NOCT: variants seen among roughly 807,000 people sequenced by gnomAD.
NOCT encodes nocturnin.
In NOCT, 18 loss-of-function variants were observed where a neutral mutation model predicts 35.0. That is an observed-to-expected ratio of 0.51 (90% CI 0.36 to 0.76). The LOEUF (loss-of-function observed/expected upper bound fraction) is 0.76. NOCT is among the 30% of genes least tolerant of loss of function. The probability of loss-of-function intolerance (pLI) is 0.01; values close to 1 mark genes in which losing one functional copy is unlikely to be tolerated. For synonymous variants in NOCT, 235 were observed against 226.3 expected (o/e 1.04, Z -0.34); for missense variants, 479 against 541.0 (o/e 0.89, Z 1.14).
At chr4:139,032,497 T>TA (rs1367370947) in intron 1 of NOCT, among the ~76,000 whole-genome samples, 14 of 151,698 alleles carry the variant, frequency 9.2e-5, no homozygotes, top group African/African-American at 1.9e-4. Flanking sequence ...TCTACTTTTT[T>TA]AAAAAAAAAT....
At chr4:139,039,185 A>AAAAAAAAAAAAAAAAAAAAC in intron 1 of NOCT, among the ~76,000 whole-genome samples, 1 of 150,960 alleles carries the variant, frequency 6.6e-6, no homozygotes, top group African/African-American at 2.4e-5. Context: ...AAAAAAAAAA[A>AAAAAAAAAAAAAAAAAAAAC]AAGCCATTCT....
At chr4:139,036,102 T>C (rs980133554) in intron 1 of NOCT, among the ~76,000 whole-genome samples, 1 of 152,036 alleles carries the variant, frequency 6.6e-6, no homozygotes, top group African/African-American at 2.4e-5. Flanking sequence ...CACACACACA[T>C]ATATATGTTT....
chr4:139,042,965 C>A, intron 1 of NOCT, 109 bp from the exon 2 acceptor site: 1 of 964,420 alleles, frequency 1.0e-6, no homozygotes, highest in Non-Finnish European at 1.5e-6. Context: ...ATTATGGCAA[C>A]AATTGAGCTC....
intron 1 of NOCT, among the ~76,000 whole-genome samples, chr4:139,031,576 C>T (rs1469556128): frequency 1.3e-5 from 2 of 152,058 alleles, no homozygotes; most frequent in African/African-American, 2.4e-5. Flanking sequence ...CATTGCAGCC[C>T]GACCATTTTC....
intron 1 of NOCT, among the ~76,000 whole-genome samples, 157 bp from the exon 2 acceptor site, chr4:139,042,914 CAAA>C (rs375909985): frequency 8.6e-5 from 7 of 81,768 alleles, no homozygotes; most frequent in African/African-American, 1.4e-4. Flanking sequence ...AACTCCATCT[CAAA>C]AAAAAAAAAA....
chr4:139,028,062 T>G (rs898423698), intron 1 of NOCT: 2 of 152,210 alleles, frequency 1.3e-5, no homozygotes, highest in African/African-American at 4.8e-5. Flanking sequence ...ACGTCATTTT[T>G]CCAAGTGTCC....
At chr4:139,036,090 T>C (rs185275187) in intron 1 of NOCT, among the ~76,000 whole-genome samples, 2 of 152,174 alleles carry the variant, frequency 1.3e-5, no homozygotes, top group East Asian at 1.9e-4. Context: ...TATGACAGAC[T>C]ACACACACAC....
chr4:139,017,451 C>T (rs1473327482), intron 1 of NOCT, among the ~76,000 whole-genome samples: 1 of 151,348 alleles, frequency 6.6e-6, no homozygotes, highest in Non-Finnish European at 1.5e-5. Flanking sequence ...TGGCCTCGAA[C>T]TCCCTAGCTC....
chr4:139,016,098 C>A lies in NOCT; in HGVS notation c.117C>A (p.Pro39=). Residue 39 remains proline (P), a synonymous_variant, in exon 1 of 3, where the codon CCC becomes CCA. Coordinates refer to ENST00000280614, the MANE Select transcript of NOCT (RefSeq NM_012118.4). ...RRPLSPPAAV[P]RPASPRLLAA... ...CGTTGTCCCCGCCGGCTGCTGTTCC[C>A]AGGCCCGCATCCCCCCGGCTGCTGG... The A allele has an allele frequency of 7.4e-7, 1 of 1,346,164 alleles. No homozygotes were observed. Among genetic ancestry groups the A allele is most frequent in the South Asian group, 2.0e-5 (1 of 50,970 alleles). The allele number at this position is 1,346,164 out of a possible 1,614,324, so 83.4% of individuals were successfully genotyped here. A position where few individuals can be genotyped will look rare whatever the true frequency, so the allele number is the denominator to read the frequency against.
At chr4:139,035,547 C>T (rs896414305) in intron 1 of NOCT, among the ~76,000 whole-genome samples, 18 of 152,206 alleles carry the variant, frequency 1.2e-4, no homozygotes, top group Admixed American at 5.2e-4. Context: ...TGCTGCCCCC[C>T]AGTTCACCCC....
chr4:139,019,061 T>A (rs149926322), intron 1 of NOCT, among the ~76,000 whole-genome samples: 15 of 152,318 alleles, frequency 9.8e-5, no homozygotes, highest in Middle Eastern at 3.4e-3. Flanking sequence ...TTTTTATTTT[T>A]ATTTTTTTTG....
chr4:139,036,210 A>G (rs1726735887), intron 1 of NOCT, among the ~76,000 whole-genome samples: 1 of 152,156 alleles, frequency 6.6e-6, no homozygotes, highest in Non-Finnish European at 1.5e-5. Flanking sequence ...TCTCCAGGGT[A>G]GTGTCTGGTA....
intron 1 of NOCT, among the ~76,000 whole-genome samples, chr4:139,040,614 ACT>A (rs1405218156): frequency 1.3e-5 from 2 of 152,010 alleles, no homozygotes; most frequent in African/African-American, 2.4e-5. Context: ...CCACCCTAAA[ACT>A]CAGCTTGGCA....
intron 1 of NOCT, among the ~76,000 whole-genome samples, chr4:139,038,973 C>T (rs922567554): frequency 6.6e-6 from 1 of 151,846 alleles, no homozygotes; most frequent in Non-Finnish European, 1.5e-5. Flanking sequence ...GCTCTGTGGG[C>T]CAAAAATGGT....
intron 2 of NOCT, 159 bp downstream of exon 2, chr4:139,043,502 G>C: frequency 1.6e-6 from 1 of 615,914 alleles, no homozygotes; most frequent in Non-Finnish European, 2.8e-6. Flanking sequence ...GTTAAGACAG[G>C]GAATCATCTG....
chr4:139,027,942 C>T (rs544118824), intron 1 of NOCT, among the ~76,000 whole-genome samples: 67 of 152,126 alleles, frequency 4.4e-4, no homozygotes, highest in African/African-American at 1.6e-3. Flanking sequence ...CAGGATGCTG[C>T]CAGAGTTAGC....
At chr4:139,021,530 A>G (rs1258064820) in intron 1 of NOCT, among the ~76,000 whole-genome samples, 1 of 151,948 alleles carries the variant, frequency 6.6e-6, no homozygotes, top group East Asian at 1.9e-4. Flanking sequence ...AAAAAAAGGG[A>G]AGAAATTTGC....
intron 1 of NOCT, among the ~76,000 whole-genome samples, chr4:139,038,621 CACT>C (rs976372407): frequency 1.4e-4 from 21 of 152,154 alleles, no homozygotes; most frequent in African/African-American, 5.1e-4. Context: ...CCAGTACCAC[CACT>C]ACTAATTATG....
At chr4:139,023,154 G>A (rs930433895) in intron 1 of NOCT, among the ~76,000 whole-genome samples, 29 of 151,158 alleles carry the variant, frequency 1.9e-4, no homozygotes, top group African/African-American at 7.0e-4. Context: ...AATTGTTCCG[G>A]AAGGATATCT....
Sources: gnomAD v4.1 joint callset for allele counts (sites outside exome capture counted in the v4.1 genomes callset) on GRCh38, gnomAD v4.1.1 for gene constraint, MANE v1.5 for transcripts, NCBI Gene and HGNC (gene_info 2026-07-23, HGNC 2026-07-21) for gene names.